Variants in CNOT2 observed in about 807,000 individuals in gnomAD.
CNOT2 encodes the protein CC chemokine receptor 4-negative regulator of transcription 2.
In CNOT2, 7 loss-of-function variants were observed where a neutral mutation model predicts 72.1. The ratio of observed to expected loss-of-function variants is 0.10; its 90% CI spans 0.06 to 0.18. The LOEUF (loss-of-function observed/expected upper bound fraction) is 0.18. Among genes scored for constraint, CNOT2 ranks in the 10% least tolerant of loss-of-function variants. The pLI, the probability that CNOT2 is intolerant of heterozygous loss-of-function variation, is 1.00. For missense variants in CNOT2, 345 were observed against 660.3 expected (o/e 0.52, Z 5.23); for synonymous variants, 196 against 225.6 (o/e 0.87, Z 1.17).
chr12:70,288,339 G>A (rs1256046056), intron 2 of CNOT2, among the ~76,000 whole-genome samples: 1 of 151,706 alleles, frequency 6.6e-6, no homozygotes, highest in East Asian at 1.9e-4. Flanking sequence ...TATGGATGAG[G>A]TTTCACCACA....
chr12:70,346,069 T>G, intron 14 of CNOT2, 111 bp from the exon 15 acceptor site: 1 of 655,814 alleles, frequency 1.5e-6, no homozygotes, highest in Non-Finnish European at 2.6e-6. Context: ...TTCATATTTA[T>G]TTATTTTATG....
intron 2 of CNOT2, among the ~76,000 whole-genome samples, chr12:70,289,732 A>G (rs943000212): frequency 6.6e-6 from 1 of 152,136 alleles, no homozygotes; most frequent in Non-Finnish European, 1.5e-5. Flanking sequence ...CTTCTTTTAC[A>G]TACAAAATGT....
chr12:70,349,860 T>C (rs1882656493), intron 15 of CNOT2, among the ~76,000 whole-genome samples: 1 of 151,902 alleles, frequency 6.6e-6, no homozygotes, highest in South Asian at 2.1e-4. Flanking sequence ...GAGAGAAACA[T>C]AGCCAGGTGT....
At chr12:70,257,330 A>C (rs752402213) in intron 1 of CNOT2, among the ~76,000 whole-genome samples, 1 of 150,542 alleles carries the variant, frequency 6.6e-6, no homozygotes, top group Non-Finnish European at 1.5e-5. Flanking sequence ...GGATACTCTC[A>C]GTGAGTCTTT....
At chr12:70,293,392 C>T (rs1872274424) in intron 2 of CNOT2, among the ~76,000 whole-genome samples, 1 of 152,174 alleles carries the variant, frequency 6.6e-6, no homozygotes, top group South Asian at 2.1e-4. Context: ...CTCCCGACCT[C>T]AGGTGATCTG....
intron 15 of CNOT2, among the ~76,000 whole-genome samples, chr12:70,353,199 A>T (rs541272877): frequency 6.6e-6 from 1 of 151,546 alleles, no homozygotes; most frequent in Admixed American, 6.6e-5. Context: ...CAGCCTCCTG[A>T]GTAGCTGCTA....
chr12:70,341,914 T>G (rs1219180351), intron 11 of CNOT2, 193 bp from the exon 12 acceptor site: 1 of 607,246 alleles, frequency 1.6e-6, no homozygotes, highest in Non-Finnish European at 2.9e-6. Flanking sequence ...AGGGAAGGAG[T>G]CCTATCATAT....
intron 2 of CNOT2, among the ~76,000 whole-genome samples, chr12:70,284,920 C>A (rs1870600656): frequency 6.6e-6 from 1 of 152,122 alleles, no homozygotes; most frequent in Non-Finnish European, 1.5e-5. Flanking sequence ...CACTTATATT[C>A]ATATGATTAT....
chr12:70,283,463 CGATT>C (rs1246217142), intron 2 of CNOT2, among the ~76,000 whole-genome samples: 2 of 69,618 alleles, frequency 2.9e-5, no homozygotes, highest in Non-Finnish European at 5.6e-5. Context: ...CTCAGTCAGT[CGATT>C]GATAGATAGA....
chr12:70,269,398 A>G (rs1017681508), intron 1 of CNOT2, among the ~76,000 whole-genome samples: 1 of 151,440 alleles, frequency 6.6e-6, no homozygotes, highest in Admixed American at 6.6e-5. Flanking sequence ...TGTTCCATGA[A>G]CCTTTTTGGC....
rs71437141 is a variant in CNOT2, at chr12:70,261,305, C to CTTTTTTT, written c.-95-16806_-95-16800dup. Among the ~76,000 whole-genome samples the CTTTTTTT allele has an allele frequency of 2.2e-3, 96 of 43,360 alleles. 14 individuals carry two copies. Among genetic ancestry groups the CTTTTTTT allele is most frequent in the East Asian group, 5.3e-3 (4 of 760 alleles). 28.4% of individuals were successfully genotyped at this position (43,360 alleles called of 152,430 possible). A position where few individuals can be genotyped will look rare whatever the true frequency, so the allele number is the denominator to read the frequency against. Reference sequence around the variant, plus strand: ...ATCTTTGTGCCTATTTTCTTTCTTTCTTTTTTTTTTTTTTTTTTTTTTTTT... The same window carrying CTTTTTTT: ...ATCTTTGTGCCTATTTTCTTTCTTTCTTTTTTTTTTTTTTTTTTTTTTTTTTTTTTTT... On this transcript the variant is annotated intron_variant, in intron 1 of 15. Coordinates refer to ENST00000229195, the MANE Select transcript of CNOT2 (RefSeq NM_014515.7).
chr12:70,252,673 C>T (rs146721131), intron 1 of CNOT2, among the ~76,000 whole-genome samples: 1 of 152,078 alleles, frequency 6.6e-6, no homozygotes, highest in East Asian at 1.9e-4. Flanking sequence ...TGGAACTAAC[C>T]AGCCTGAAAT....
At chr12:70,349,478 C>T (rs1882603418) in intron 15 of CNOT2, among the ~76,000 whole-genome samples, 2 of 152,134 alleles carry the variant, frequency 1.3e-5, no homozygotes, top group Admixed American at 6.6e-5. Flanking sequence ...CTGGTCTACA[C>T]CATAATCCTG....
intron 7 of CNOT2, among the ~76,000 whole-genome samples, chr12:70,333,340 G>A (rs1394257009): frequency 1.3e-5 from 2 of 151,826 alleles, no homozygotes; most frequent in Non-Finnish European, 1.5e-5. Flanking sequence ...TGTTGATTCA[G>A]TTTTATGTAT....
intron 2 of CNOT2, chr12:70,290,723 A>G (rs1282464283): frequency 2.0e-5 from 3 of 151,972 alleles, no homozygotes; most frequent in Non-Finnish European, 4.4e-5. Context: ...AATTTTTTTT[A>G]TAGAGACAGG....
At chr12:70,346,352 TA>T in intron 15 of CNOT2, 28 bp downstream of exon 15, 1 of 1,588,042 alleles carries the variant, frequency 6.3e-7, no homozygotes, top group Non-Finnish European at 8.6e-7. Flanking sequence ...TGCAAATGTA[TA>T]AATCTAAACT....
intron 2 of CNOT2, chr12:70,294,418 A>G: frequency 2.1e-6 from 1 of 476,104 alleles, no homozygotes; most frequent in South Asian, 2.5e-5. Context: ...TTTGTTATCA[A>G]TTATTTTTCT....
intron 2 of CNOT2, among the ~76,000 whole-genome samples, chr12:70,306,761 A>G (rs1245243203): frequency 1.3e-5 from 2 of 152,214 alleles, no homozygotes; most frequent in African/African-American, 4.8e-5. Flanking sequence ...ATGAAGTCTG[A>G]TTTAATTTTA....
chr12:70,335,779 C>CA (rs1444470718), intron 8 of CNOT2: 3 of 361,302 alleles, frequency 8.3e-6, no homozygotes, highest in African/African-American at 6.3e-5. Flanking sequence ...AAACTTTGTA[C>CA]AAAAACCCAA....
Sources: allele counts gnomAD v4.1 joint callset (sites outside exome capture counted in the v4.1 genomes callset), GRCh38; gene constraint gnomAD v4.1.1; transcripts MANE v1.5; gene names NCBI Gene and HGNC (gene_info 2026-07-23, HGNC 2026-07-21).